The following TTC23L variants were observed in gnomAD, a reference collection of about 807,000 sequenced individuals.
TTC23L encodes tetratricopeptide repeat domain 23 like, also known as tetratricopeptide repeat protein 23-like.
In TTC23L, 42 loss-of-function variants were observed where a neutral mutation model predicts 48.1. The observed-to-expected ratio is 0.87, with a 90% CI of 0.68 to 1.13. The LOEUF (loss-of-function observed/expected upper bound fraction) is 1.13. Ranked by LOEUF, TTC23L falls within the 50% of genes most tolerant of loss-of-function variation. TTC23L has a pLI of 0.00. For synonymous variants in TTC23L, 159 were observed against 157.2 expected, an observed-to-expected ratio of 1.01 and a Z score of -0.09; for missense variants, 391 against 421.0, an observed-to-expected ratio of 0.93 and a Z score of 0.62.
chr5:34,909,494 TA>T, the TTC23L span: 1 of 546,212 alleles, frequency 1.8e-6, no homozygotes. Flanking sequence ...TAACACACGA[TA>T]ACAAGTACCA....
At chr5:34,911,464 G>T in the TTC23L span, 2 of 1,458,948 alleles carry the variant, frequency 1.4e-6, no homozygotes, top group Non-Finnish European at 1.9e-6. Context: ...TAAAAATGTG[G>T]ATAATAAAAA....
At position 34,842,672 on chromosome 5, in the gene TTC23L, C is replaced by T. The variant is rs991231475; in HGVS notation, c.68+1933C>T. Reference sequence around the variant, plus strand: ...TCCTCAAACAACAGGCTCTAGATGTCACAGTAGATAACCTCAGCGCTAGGG... The same window carrying T: ...TCCTCAAACAACAGGCTCTAGATGTTACAGTAGATAACCTCAGCGCTAGGG... On this transcript the variant is annotated intron_variant, in intron 2 of 10. Coordinates refer to ENST00000505624, the Ensembl canonical transcript of TTC23L. 2.6e-5 allele frequency among the ~76,000 whole-genome samples: 4 copies of T among 152,194 alleles called. No homozygotes were observed. The South Asian group carries it at 8.3e-4, about 32-fold the overall frequency.
rs1239276233 is a variant in TTC23L, at chr5:34,890,780, G to GT, written c.1078-5982dup. On this transcript the variant is annotated intron_variant, in intron 9 of 10. Transcript: ENST00000505624. ...ACAATCTGAAGACAGACTGCCTGGAGTTTTTTTTAAAAGATGAGGTCTTTC... is the reference window on the plus strand; with the variant it reads ...ACAATCTGAAGACAGACTGCCTGGAGTTTTTTTTTAAAAGATGAGGTCTTTC... Among the ~76,000 whole-genome samples the GT allele has an allele frequency of 3.9e-5, 6 of 152,068 alleles. 1 individual carries two copies. The highest frequency in any genetic ancestry group is 1.2e-4 in the African/African-American group (5 of 41,474).
chr5:34,848,357 T>C (rs572836189), intron 3 of TTC23L, among the ~76,000 whole-genome samples: 3 of 152,320 alleles, frequency 2.0e-5, no homozygotes, highest in Admixed American at 1.3e-4. Flanking sequence ...CCAACCCATC[T>C]TTAACCTTGC....
chr5:34,843,656 G>A, intron 2 of TTC23L, among the ~76,000 whole-genome samples: 1 of 152,194 alleles, frequency 6.6e-6, no homozygotes, highest in East Asian at 1.9e-4. Context: ...TTGCTATTGA[G>A]ATATGATCTC....
chr5:34,865,986 A>G (rs558524484), intron 6 of TTC23L, among the ~76,000 whole-genome samples: 33 of 152,342 alleles, frequency 2.2e-4, no homozygotes, highest in Admixed American at 1.1e-3. Flanking sequence ...TATAAACTCA[A>G]TTGTTTTATT....
At chr5:34,857,565 A>G (rs1291771579) in intron 4 of TTC23L, among the ~76,000 whole-genome samples, 1 of 152,248 alleles carries the variant, frequency 6.6e-6, no homozygotes, top group South Asian at 2.1e-4. Context: ...TTTTACAAAG[A>G]TTCTGTAAAC....
At chr5:34,917,354 T>G in the TTC23L span, among the ~76,000 whole-genome samples, 1 of 152,066 alleles carries the variant, frequency 6.6e-6, no homozygotes, top group East Asian at 1.9e-4. Flanking sequence ...TTAAAAATGG[T>G]CCAGCGTGGT....
the TTC23L span, chr5:34,925,513 T>A: frequency 1.3e-6 from 2 of 1,595,478 alleles, no homozygotes; most frequent in Admixed American, 3.5e-5. Context: ...GAAACCTGAT[T>A]TGTTTTTCAG....
At chr5:34,843,606 T>A (rs941527540) in intron 2 of TTC23L, among the ~76,000 whole-genome samples, 3 of 152,256 alleles carry the variant, frequency 2.0e-5, no homozygotes, top group Admixed American at 2.0e-4. Context: ...TAGATTTAAC[T>A]TCTGCTCTAG....
At chr5:34,839,941 T>A (rs944741108) in intron 1 of TTC23L, among the ~76,000 whole-genome samples, 3 of 152,252 alleles carry the variant, frequency 2.0e-5, no homozygotes, top group Admixed American at 6.5e-5. Context: ...GGAGTCTCGC[T>A]CTGTCGCCCA....
At chr5:34,869,161 A>G in intron 8 of TTC23L, 148 bp downstream of exon 8, 1 of 611,500 alleles carries the variant, frequency 1.6e-6, no homozygotes, top group South Asian at 1.9e-5. Context: ...TCAATTACAC[A>G]TTAATTTAAA....
At chr5:34,865,439 C>T (rs1201693561) in intron 6 of TTC23L, among the ~76,000 whole-genome samples, 2 of 152,214 alleles carry the variant, frequency 1.3e-5, no homozygotes, top group Non-Finnish European at 2.9e-5. Flanking sequence ...CAATAAATTA[C>T]AGTCTGGTGA....
In TTC23L at chr5:34,873,247, A is replaced by G. The variant is rs149992970; in HGVS notation, c.949+4234A>G. ...GATTTCATTAAAATGTAAACAGAAT[A>G]TGACTTTGTGAAGAGATCTGTAAAT... On this transcript the variant is annotated intron_variant, in intron 8 of 10. Coordinates refer to ENST00000505624, the Ensembl canonical transcript of TTC23L. 6.0e-4 allele frequency among the ~76,000 whole-genome samples: 92 copies of G among 152,290 alleles called. 3 individuals carry two copies. The East Asian group carries it at 0.015, about 25-fold the overall frequency.
chr5:34,923,739 C>T, the TTC23L span, among the ~76,000 whole-genome samples: 3 of 152,288 alleles, frequency 2.0e-5, no homozygotes, highest in Non-Finnish European at 2.9e-5. Flanking sequence ...TAAGGATATA[C>T]AGGGTTTGCA....
chr5:34,877,358 G>A (rs990645682), intron 8 of TTC23L, among the ~76,000 whole-genome samples: 14 of 123,384 alleles, frequency 1.1e-4, no homozygotes, highest in Admixed American at 1.6e-4. Context: ...TAACACCATT[G>A]TTCTTTTTTT....
At chr5:34,869,306 G>C (rs546836617) in intron 8 of TTC23L, 1 of 337,760 alleles carries the variant, frequency 3.0e-6, no homozygotes, top group South Asian at 2.8e-5. Context: ...CTGTGAATGT[G>C]GCCTGTGCAG....
At chr5:34,919,952 T>C in the TTC23L span, 1 of 611,768 alleles carries the variant, frequency 1.6e-6, no homozygotes, top group Non-Finnish European at 2.9e-6. Context: ...CAAAACTAAG[T>C]CATTCAGTGA....
intron 9 of TTC23L, among the ~76,000 whole-genome samples, chr5:34,888,873 T>C (rs1189556686): frequency 6.6e-6 from 1 of 152,194 alleles, no homozygotes; most frequent in African/African-American, 2.4e-5. Context: ...AGAAAGTAAA[T>C]GAGTACCTTA....
Sources: allele counts gnomAD v4.1 joint callset (sites outside exome capture counted in the v4.1 genomes callset), GRCh38; gene constraint gnomAD v4.1.1; transcripts MANE v1.5; gene names NCBI Gene and HGNC (gene_info 2026-07-23, HGNC 2026-07-21).